The following SPMIP4 variants were observed in gnomAD, a reference collection of about 807,000 sequenced individuals.
SPMIP4 encodes sperm-associated microtubule inner protein 4.
At chr7:25,151,589 T>C in the SPMIP4 span, 1 of 1,542,912 alleles carries the variant, frequency 6.5e-7, no homozygotes, top group Admixed American at 1.7e-5. Flanking sequence ...TTTAAAAAGA[T>C]ACTTACATCA....
the SPMIP4 span, among the ~76,000 whole-genome samples, chr7:25,133,148 G>T: frequency 6.6e-6 from 1 of 152,140 alleles, no homozygotes; most frequent in Non-Finnish European, 1.5e-5. Flanking sequence ...GAGGTAGGAG[G>T]GAAGGAATTG....
the SPMIP4 span, chr7:25,135,037 T>C: frequency 3.1e-6 from 2 of 655,296 alleles, no homozygotes; most frequent in Non-Finnish European, 3.8e-6. Flanking sequence ...AAAATAAATA[T>C]TCACAAAATA....
At chr7:25,128,143 G>C in the SPMIP4 span, among the ~76,000 whole-genome samples, 62 of 152,340 alleles carry the variant, frequency 4.1e-4, 1 homozygote, top group Middle Eastern at 3.4e-3. The surrounding 1 kb of genome is among the most constrained non-coding windows in gnomAD (Gnocchi z 4.5). Context: ...GACTGTGCTA[G>C]GAGAGACCTG....
chr7:25,142,135 C>G, the SPMIP4 span: 1 of 716,696 alleles, frequency 1.4e-6, no homozygotes, highest in Non-Finnish European at 2.4e-6. Flanking sequence ...TAAAAATTTC[C>G]ATTTGCTAAC....
At chr7:25,127,552 T>G in the SPMIP4 span, among the ~76,000 whole-genome samples, 4 of 152,212 alleles carry the variant, frequency 2.6e-5, no homozygotes, top group East Asian at 5.8e-4. Context: ...TGTTTTAATC[T>G]CTGTTAAATT....
chr7:25,169,957 C>T, the SPMIP4 span, among the ~76,000 whole-genome samples: 3 of 152,110 alleles, frequency 2.0e-5, no homozygotes, highest in African/African-American at 7.2e-5. Flanking sequence ...AGTTGATGGA[C>T]ATTTGGGTTA....
At chr7:25,142,548 G>T in the SPMIP4 span, 1 of 1,156,588 alleles carries the variant, frequency 8.6e-7, no homozygotes, top group Non-Finnish European at 1.2e-6. Flanking sequence ...TGAGAAAAAG[G>T]CAAAAACATG....
At chr7:25,161,166 T>C in the SPMIP4 span, 3 of 1,411,114 alleles carry the variant, frequency 2.1e-6, no homozygotes, top group Admixed American at 2.3e-5. Context: ...TGATTTTATA[T>C]AAGGAAAAAA....
At chr7:25,173,507 T>C in the SPMIP4 span, among the ~76,000 whole-genome samples, 5 of 152,298 alleles carry the variant, frequency 3.3e-5, no homozygotes, top group East Asian at 1.9e-4. This position sits in a 1 kb window ranked among gnomAD's most constrained non-coding sequence, Gnocchi z 4.4. Context: ...TCTGGCTCTT[T>C]ACAGAAAAAA....
At chr7:25,169,857 G>A in the SPMIP4 span, among the ~76,000 whole-genome samples, 3 of 152,190 alleles carry the variant, frequency 2.0e-5, no homozygotes, top group African/African-American at 7.2e-5. Context: ...GATTACAGGC[G>A]TGAGTCACTG....
At chr7:25,136,426 T>A in the SPMIP4 span, 1 of 1,614,052 alleles carries the variant, frequency 6.2e-7, no homozygotes, top group Non-Finnish European at 8.5e-7. The surrounding 1 kb of genome is among the most constrained non-coding windows in gnomAD (Gnocchi z 5.7). Context: ...CCAGTATAAA[T>A]CTTCTGTCTT....
the SPMIP4 span, among the ~76,000 whole-genome samples, chr7:25,140,636 C>T: frequency 7.4e-3 from 1,117 of 150,310 alleles, 5 homozygotes; most frequent in Non-Finnish European, 0.013. Context: ...TTTCTCCCCC[C>T]GCCCAGCATG....
the SPMIP4 span, among the ~76,000 whole-genome samples, chr7:25,141,608 C>A: frequency 0.61 from 87,993 of 145,174 alleles, 27,756 homozygotes; most frequent in Non-Finnish European, 0.69. Context: ...CAAAGATCTA[C>A]GGAATTTACT....
the SPMIP4 span, among the ~76,000 whole-genome samples, chr7:25,129,865 C>T: frequency 6.6e-6 from 1 of 152,016 alleles, no homozygotes; most frequent in Admixed American, 6.5e-5. Flanking sequence ...GTTTAATTAT[C>T]AGAGGGCCAG....
the SPMIP4 span, among the ~76,000 whole-genome samples, chr7:25,131,580 G>A: frequency 1.3e-5 from 2 of 152,162 alleles, no homozygotes; most frequent in African/African-American, 4.8e-5. This position sits in a 1 kb window ranked among gnomAD's most constrained non-coding sequence, Gnocchi z 4.2. Flanking sequence ...GGGAGGAGTG[G>A]TCCTTGCTCC....
the SPMIP4 span, chr7:25,142,210 A>G: frequency 6.5e-7 from 1 of 1,547,340 alleles, no homozygotes; most frequent in Non-Finnish European, 8.9e-7. Context: ...CTCTCCCCCA[A>G]AATAACTGAG....
the SPMIP4 span, chr7:25,158,618 G>A: frequency 1.9e-6 from 2 of 1,069,154 alleles, no homozygotes; most frequent in Non-Finnish European, 1.4e-6. Context: ...TAATGATATA[G>A]GCTGGGCATG....
At chr7:25,130,869 A>C in the SPMIP4 span, among the ~76,000 whole-genome samples, 1 of 152,250 alleles carries the variant, frequency 6.6e-6, no homozygotes, top group Non-Finnish European at 1.5e-5. Flanking sequence ...TAGCTATGTC[A>C]GATTTATTTG....
the SPMIP4 span, among the ~76,000 whole-genome samples, chr7:25,143,432 T>A: frequency 2.6e-5 from 4 of 152,208 alleles, no homozygotes; most frequent in Non-Finnish European, 1.5e-5. Context: ...TAAGCACCTA[T>A]ATGTGCACAG....
Sources: allele counts gnomAD v4.1 joint callset (sites outside exome capture counted in the v4.1 genomes callset), GRCh38; gene constraint gnomAD v4.1.1; non-coding constraint Gnocchi (gnomAD v3.1); transcripts MANE v1.5; gene names NCBI Gene and HGNC (gene_info 2026-07-23, HGNC 2026-07-21).